The following LYST variants were observed in gnomAD, a reference collection of about 807,000 sequenced individuals.
LYST encodes the protein lysosomal-trafficking regulator.
Under a neutral mutation model 413.6 loss-of-function variants are expected in LYST, and 192 were observed. That is an observed-to-expected ratio of 0.46 (90% confidence interval 0.41 to 0.52). The LOEUF is 0.52. Ranked by LOEUF, LYST falls within the 20% of genes least tolerant of loss-of-function variation. LYST has a pLI of 0.00. For synonymous variants in LYST, 1,525 were observed against 1,567.3 expected, an observed-to-expected ratio of 0.97 and a Z score of 0.64; for missense variants, 3,815 against 4,499.9, an observed-to-expected ratio of 0.85 and a Z score of 4.35.
chr1:235,795,361 T>C (rs1671449321), intron 10 of LYST, among the ~76,000 whole-genome samples: 1 of 152,186 alleles, frequency 6.6e-6, no homozygotes, highest in Non-Finnish European at 1.5e-5. Context: ...GTCTGCAGAC[T>C]GAACAAACTG....
At chr1:235,738,645 C>T in intron 31 of LYST, 4 of 1,607,614 alleles carry the variant, frequency 2.5e-6, no homozygotes, top group Non-Finnish European at 3.4e-6. Flanking sequence ...GACTCTGCAC[C>T]CAGATTTAGG....
intron 4 of LYST, among the ~76,000 whole-genome samples, chr1:235,812,340 T>G (rs890894293): frequency 6.6e-6 from 1 of 151,704 alleles, no homozygotes; most frequent in African/African-American, 2.4e-5. Context: ...CCCATCTGTA[T>G]GTACTAAAAT....
intron 1 of LYST, among the ~76,000 whole-genome samples, chr1:235,865,968 T>C (rs1198843762): frequency 6.6e-6 from 1 of 152,172 alleles, no homozygotes. Context: ...ACAAACCCCA[T>C]TAACTATCAA....
At chr1:235,807,319 C>T (rs756527704) in intron 5 of LYST, among the ~76,000 whole-genome samples, 3 of 152,146 alleles carry the variant, frequency 2.0e-5, no homozygotes, top group Non-Finnish European at 2.9e-5. Context: ...GTCAATGGTA[C>T]AAATATTATA....
intron 48 of LYST, among the ~76,000 whole-genome samples, chr1:235,681,241 G>A (rs1348431400): frequency 6.6e-6 from 1 of 152,166 alleles, no homozygotes; most frequent in African/African-American, 2.4e-5. Flanking sequence ...GGCACTCTGG[G>A]CTAAGAAGAC....
Position 235,874,042 on chromosome 1 carries a change from T to C in LYST, n.454+9145A>G, listed in dbSNP as rs184333461. Reference sequence around the variant, plus strand: ...ACACTTGACCACTTCAAAGCAACAGTTGAAAAGGGTGACTCAGGGTCAAGG... The same window carrying C: ...ACACTTGACCACTTCAAAGCAACAGCTGAAAAGGGTGACTCAGGGTCAAGG... On this transcript the variant is annotated intron_variant and non_coding_transcript_variant, in intron 1 of 11. Coordinates refer to the LYST transcript ENST00000465349. 1.9e-4 allele frequency among the ~76,000 whole-genome samples: 29 copies of C among 152,240 alleles called. No homozygotes were observed. The East Asian group carries it at 5.4e-3, about 28-fold the overall frequency.
intron 17 of LYST, among the ~76,000 whole-genome samples, chr1:235,775,700 G>C (rs892626755): frequency 2.6e-5 from 4 of 152,074 alleles, no homozygotes; most frequent in East Asian, 3.9e-4. Flanking sequence ...CCTAGGAAGA[G>C]AGCCAAATCC....
At chr1:235,689,026 T>TAATAACAAC (rs1202677227) in intron 47 of LYST, among the ~76,000 whole-genome samples, 59 of 92,964 alleles carry the variant, frequency 6.3e-4, no homozygotes, top group Non-Finnish European at 1.3e-3. Flanking sequence ...ATAATAATAA[T>TAATAACAAC]AACAACAACA....
chr1:235,757,024 C>G (rs1232115399), intron 24 of LYST, among the ~76,000 whole-genome samples: 1 of 151,930 alleles, frequency 6.6e-6, no homozygotes, highest in East Asian at 1.9e-4. Context: ...TTGATATGAA[C>G]CAACATATGG....
At chr1:235,724,538 A>T (rs1362042616) in intron 38 of LYST, among the ~76,000 whole-genome samples, 1 of 152,122 alleles carries the variant, frequency 6.6e-6, no homozygotes, top group East Asian at 1.9e-4. Flanking sequence ...ATATTGCTAC[A>T]ATTTTTCTTA....
In LYST at chr1:235,808,881, T is replaced by G; in HGVS notation, c.1937A>C (p.Gln646Pro). ...ACNICTVDSD[Q>P]LAQLEETLQG... Reference sequence around the variant, plus strand: ...CAGTGTCTCTTCTAATTGGGCTAGTTGGTCAGAGTCAACAGTACAAATATT... The same window carrying G: ...CAGTGTCTCTTCTAATTGGGCTAGTGGGTCAGAGTCAACAGTACAAATATT... The change falls in exon 5 of 53, where the codon CAA (glutamine) becomes CCA (proline). Residue 646 changes from glutamine to proline, a missense_variant. Around this residue, in one of 4 missense-constraint regions of LYST, gnomAD observed 1,648 missense variants for 1,810.3 expected, o/e 0.91. Transcript: ENST00000389793. The G allele has an allele frequency of 3.1e-6, 5 of 1,614,010 alleles. No homozygotes were observed. Among genetic ancestry groups the G allele is most frequent in the Non-Finnish European group, 4.2e-6 (5 of 1,179,940 alleles).
chr1:235,807,362 G>C (rs1201833113), intron 5 of LYST, among the ~76,000 whole-genome samples: 1 of 152,174 alleles, frequency 6.6e-6, no homozygotes, highest in East Asian at 1.9e-4. Flanking sequence ...GGTGAGACTT[G>C]TGTCTAGATC....
At chr1:235,844,265 AG>A (rs1244555925) in intron 1 of LYST, among the ~76,000 whole-genome samples, 3 of 118,468 alleles carry the variant, frequency 2.5e-5, no homozygotes, top group African/African-American at 1.2e-4. Context: ...AATCTTTATG[AG>A]AAAAAAAGAT....
At position 235,762,827 on chromosome 1, in the gene LYST, A is replaced by G. The variant is rs1667724782; in HGVS notation, c.6146T>C (p.Val2049Ala). 1.2e-6 allele frequency: 2 copies of G among 1,613,430 alleles called. No homozygotes were observed. The highest frequency in any genetic ancestry group is 2.7e-5 in the African/African-American group (2 of 74,870). The change falls in exon 22 of 53, where the codon GTG (valine) becomes GCG (alanine). Residue 2049 changes from valine to alanine, a missense_variant. By Grantham distance (64) the Val-to-Ala change is moderately conservative. Around this residue, in one of 4 missense-constraint regions of LYST, gnomAD observed 530 missense variants for 696.5 expected, o/e 0.76. Coordinates refer to ENST00000389793, the MANE Select transcript of LYST (RefSeq NM_000081.4). ...HIDGKIFQEK[V>A]RSIMYLRHSS... The stretch of plus-strand genomic sequence containing the variant: ...ATGCCTCAGGTACATGATTGACCGC[A>G]CTTTCTCCTGAAAGATCTTGCCATC...
At chr1:235,690,665 T>G (rs1188388565) in intron 47 of LYST, among the ~76,000 whole-genome samples, 1 of 152,218 alleles carries the variant, frequency 6.6e-6, no homozygotes, top group Non-Finnish European at 1.5e-5. Flanking sequence ...ACTGCTCCTC[T>G]TGCTTTCACT....
At chr1:235,780,488 T>C (rs890548552) in intron 16 of LYST, among the ~76,000 whole-genome samples, 1 of 152,100 alleles carries the variant, frequency 6.6e-6, no homozygotes, top group African/African-American at 2.4e-5. Flanking sequence ...TAAATGGATA[T>C]TATTTATTTA....
chr1:235,804,424 A>G (rs983223130), intron 7 of LYST, 80 bp downstream of exon 7: 1 of 1,089,256 alleles, frequency 9.2e-7, no homozygotes, highest in Non-Finnish European at 1.4e-6. Context: ...AATGACATTC[A>G]TCAGCGTCCT....
At chr1:235,833,392 A>G (rs1306543546) in intron 2 of LYST, among the ~76,000 whole-genome samples, 186 bp downstream of exon 2, 2 of 152,158 alleles carry the variant, frequency 1.3e-5, no homozygotes, top group African/African-American at 4.8e-5. Flanking sequence ...TCTTAATGTT[A>G]TGTTCATTCC....
At chr1:235,754,229 C>CTTTTTTTTTTTTTTTTTT (rs71576486) in intron 25 of LYST, among the ~76,000 whole-genome samples, 22 of 86,564 alleles carry the variant, frequency 2.5e-4, no homozygotes, top group Non-Finnish European at 3.4e-4. Context: ...CTTTTCTTTT[C>CTTTTTTTTTTTTTTTTTT]TTTTTTTTTT....
Sources: gnomAD v4.1 joint callset for allele counts (sites outside exome capture counted in the v4.1 genomes callset) on GRCh38, gnomAD v4.1.1 for gene constraint, gnomAD v4.1.1 regional missense constraint, MANE v1.5 for transcripts, NCBI Gene and HGNC (gene_info 2026-07-23, HGNC 2026-07-21) for gene names.